CTDSPL: variants seen among roughly 807,000 people sequenced by gnomAD.
CTDSPL encodes the protein CTD small phosphatase-like protein.
A neutral mutation model predicts 30.5 loss-of-function variants in CTDSPL; 8 were observed. The ratio of observed to expected loss-of-function variants is 0.26; its 90% confidence interval spans 0.15 to 0.47. The LOEUF (loss-of-function observed/expected upper bound fraction) is 0.47, where lower values mean the gene tolerates loss of function less well. Ranked by LOEUF, CTDSPL falls within the 20% of genes least tolerant of loss-of-function variation. The probability of loss-of-function intolerance (pLI) is 0.99; values close to 1 mark genes in which losing one functional copy is unlikely to be tolerated. For missense variants in CTDSPL, 248 were observed against 366.1 expected (o/e 0.68, Z 2.63); for synonymous variants, 110 against 137.9 (o/e 0.80, Z 1.42).
chr3:37,982,212 C>G lies in CTDSPL; in HGVS notation c.*1345C>G. On this transcript the variant is annotated 3_prime_UTR_variant, in exon 8 of 8. Coordinates refer to ENST00000273179, the MANE Select transcript of CTDSPL (RefSeq NM_001008392.2). Reference sequence around the variant, plus strand: ...GCCCAAGTCCATCTCTTGGTCTTCTCCTTTGAAGCACAGCCTATTTCTGAG... The same window carrying G: ...GCCCAAGTCCATCTCTTGGTCTTCTGCTTTGAAGCACAGCCTATTTCTGAG... The G allele has an allele frequency of 6.4e-6, 2 of 311,914 alleles. No homozygotes were observed. The highest frequency in any genetic ancestry group is 8.4e-5 in the East Asian group (1 of 11,900). The allele number at this position is 311,914 out of a possible 1,614,324, so 19.3% of individuals were successfully genotyped here.
At chr3:37,919,634 GT>G (rs1347545187) in intron 1 of CTDSPL, among the ~76,000 whole-genome samples, 1 of 152,198 alleles carries the variant, frequency 6.6e-6, no homozygotes, top group African/African-American at 2.4e-5. Flanking sequence ...GAAGGCTGCA[GT>G]TTCAAGAGCT....
chr3:37,868,219 TTTGATGAGC>T (rs1698034476), intron 1 of CTDSPL, among the ~76,000 whole-genome samples: 1 of 152,132 alleles, frequency 6.6e-6, no homozygotes, highest in Non-Finnish European at 1.5e-5. Context: ...ATATATCTTC[TTTGATGAGC>T]TGTCCCTTCA....
At chr3:37,924,536 T>C (rs1170718502) in intron 1 of CTDSPL, among the ~76,000 whole-genome samples, 1 of 152,234 alleles carries the variant, frequency 6.6e-6, no homozygotes, top group Non-Finnish European at 1.5e-5. Flanking sequence ...CTGAGGTCCA[T>C]ATTGATCTTC....
intron 2 of CTDSPL, 23 bp from the exon 3 acceptor site, chr3:37,957,087 GA>G (rs1353782990): frequency 1.3e-6 from 2 of 1,589,248 alleles, no homozygotes. Context: ...ACCTGACAAT[GA>G]TTTTTTTTTT....
At chr3:37,924,568 A>G (rs80024763) in intron 1 of CTDSPL, among the ~76,000 whole-genome samples, 4,321 of 152,334 alleles carry the variant, frequency 0.028, 86 homozygotes, top group South Asian at 0.094. Context: ...ACGAGAAAAT[A>G]ACAAAAGTAA....
chr3:37,926,057 G>A (rs1698778054), intron 1 of CTDSPL, among the ~76,000 whole-genome samples: 1 of 152,178 alleles, frequency 6.6e-6, no homozygotes, highest in Admixed American at 6.5e-5. Context: ...TGCCAAATAA[G>A]CAAGTGTTGG....
At chr3:37,953,901 T>A (rs1699138419) in intron 2 of CTDSPL, among the ~76,000 whole-genome samples, 1 of 152,090 alleles carries the variant, frequency 6.6e-6, no homozygotes, top group Non-Finnish European at 1.5e-5. Flanking sequence ...AGATACAAAG[T>A]TAGTCTTATT....
intron 2 of CTDSPL, among the ~76,000 whole-genome samples, chr3:37,952,234 GAGAA>G (rs1699118737): frequency 6.6e-6 from 1 of 152,122 alleles, no homozygotes; most frequent in Non-Finnish European, 1.5e-5. Flanking sequence ...GAGAGAAAGT[GAGAA>G]AGAAAGAAAA....
intron 1 of CTDSPL, among the ~76,000 whole-genome samples, chr3:37,946,741 C>T (rs1479297870): frequency 6.6e-6 from 1 of 152,104 alleles, no homozygotes; most frequent in East Asian, 1.9e-4. Context: ...CTGCTAGGTT[C>T]AGGAATGCAG....
intron 2 of CTDSPL, among the ~76,000 whole-genome samples, chr3:37,947,888 T>C (rs529884573): frequency 6.6e-6 from 1 of 152,386 alleles, no homozygotes; most frequent in African/African-American, 2.4e-5. Flanking sequence ...TTCTTTTGTA[T>C]GTATCAAATA....
Position 37,873,190 on chromosome 3 carries a change from CA to C in CTDSPL, c.79+10913del, listed in dbSNP as rs1698096209. Among the ~76,000 whole-genome samples the C allele has an allele frequency of 4.6e-5, 7 of 152,334 alleles. No homozygotes were observed. The South Asian group carries it at 1.5e-3, about 32-fold the overall frequency. ...GCATGGGTGGTAGGATGCCTCATTA[CA>C]CCCTATGAGGGTGGAATTCTAGGTA... On this transcript the variant is annotated intron_variant, in intron 1 of 7. Transcript: ENST00000273179.
At chr3:37,873,334 T>C (rs1445634226) in intron 1 of CTDSPL, among the ~76,000 whole-genome samples, 2 of 152,226 alleles carry the variant, frequency 1.3e-5, no homozygotes, top group East Asian at 3.8e-4. Context: ...GCCCCTTTTC[T>C]GGTCCTTTGG....
intron 1 of CTDSPL, among the ~76,000 whole-genome samples, chr3:37,912,083 T>G (rs1698589955): frequency 6.6e-6 from 1 of 152,184 alleles, no homozygotes; most frequent in African/African-American, 2.4e-5. Context: ...GGAAAACCTC[T>G]TCAGTTAACT....
intron 1 of CTDSPL, among the ~76,000 whole-genome samples, chr3:37,943,896 A>G (rs1392569666): frequency 1.3e-5 from 2 of 150,344 alleles, no homozygotes; most frequent in East Asian, 1.9e-4. Context: ...TTCTTTTCAC[A>G]TGGGCCTCCT....
At chr3:37,895,730 A>T (rs1249535446) in intron 1 of CTDSPL, among the ~76,000 whole-genome samples, 3 of 152,208 alleles carry the variant, frequency 2.0e-5, no homozygotes, top group Non-Finnish European at 4.4e-5. Context: ...CTAGGATGGA[A>T]AACCTAGTCT....
chr3:37,877,657 CT>C (rs2125590898), intron 1 of CTDSPL, among the ~76,000 whole-genome samples: 1 of 141,426 alleles, frequency 7.1e-6, no homozygotes, highest in South Asian at 2.4e-4. Context: ...GAGTAACTTC[CT>C]GTATTAGTCT....
At chr3:37,932,421 C>G (rs923609883) in intron 1 of CTDSPL, among the ~76,000 whole-genome samples, 2 of 152,008 alleles carry the variant, frequency 1.3e-5, no homozygotes, top group South Asian at 2.1e-4. Flanking sequence ...ACAACAGTTC[C>G]AACATACAGA....
Position 37,982,162 on chromosome 3 carries a change from C to T in CTDSPL, c.*1295C>T, listed in dbSNP as rs1055213440. On this transcript the variant is annotated 3_prime_UTR_variant, in exon 8 of 8. Coordinates refer to ENST00000273179, the MANE Select transcript of CTDSPL (RefSeq NM_001008392.2). The stretch of plus-strand genomic sequence containing the variant: ...CTGTTCTCTCTTGAGAACCTGTGGC[C>T]TCAACCAGCCACCAAGCTGATGTGG... 3.2e-6 allele frequency: 1 copy of T among 313,084 alleles called. No homozygotes were observed. The highest frequency in any genetic ancestry group is 2.7e-5 in the South Asian group (1 of 37,304). 19.4% of individuals were successfully genotyped at this position (313,084 alleles called of 1,614,324 possible).
chr3:37,925,863 A>G (rs1185364512), intron 1 of CTDSPL, among the ~76,000 whole-genome samples: 8 of 151,990 alleles, frequency 5.3e-5, no homozygotes, highest in Admixed American at 5.2e-4. Flanking sequence ...ACACACACAC[A>G]CCACTCTTTA....
Sources: gnomAD v4.1 joint callset for allele counts (sites outside exome capture counted in the v4.1 genomes callset) on GRCh38, gnomAD v4.1.1 for gene constraint, MANE v1.5 for transcripts, NCBI Gene and HGNC (gene_info 2026-07-23, HGNC 2026-07-21) for gene names.